Variants in SOX5 observed in about 807,000 individuals in gnomAD.
SOX5 encodes transcription factor SOX-5.
In SOX5, 9 loss-of-function variants were observed where a neutral mutation model predicts 92.0. The ratio of observed to expected loss-of-function variants is 0.10; its 90% CI spans 0.06 to 0.17. The LOEUF (loss-of-function observed/expected upper bound fraction) is 0.17. Ranked by LOEUF, SOX5 falls within the 10% of genes least tolerant of loss-of-function variation. SOX5 has a pLI of 1.00. For missense variants in SOX5, 642 were observed against 944.5 expected (o/e 0.68, Z 4.20); for synonymous variants, 344 against 336.3 (o/e 1.02, Z -0.25).
chr12:23,605,240 A>G (rs2075097402), intron 8 of SOX5, among the ~76,000 whole-genome samples: 4 of 152,124 alleles, frequency 2.6e-5, no homozygotes, highest in Admixed American at 2.6e-4. Flanking sequence ...ATAAGCAATA[A>G]AATTGTCCAA....
intron 4 of SOX5, among the ~76,000 whole-genome samples, chr12:24,034,930 T>C (rs1225055720): frequency 6.6e-6 from 1 of 152,084 alleles, no homozygotes; most frequent in Admixed American, 6.6e-5. Context: ...AGAGCTGTTT[T>C]AAGTTTCAAC....
chr12:24,562,571 G>C (rs1954479335), upstream of SOX5: 1 of 152,882 alleles, frequency 6.5e-6, no homozygotes. Context: ...TTGCTCTCAA[G>C]GACGAGGTGA....
At chr12:23,635,477 A>T (rs1330546247) in intron 8 of SOX5, among the ~76,000 whole-genome samples, 10 of 151,974 alleles carry the variant, frequency 6.6e-5, no homozygotes, top group Non-Finnish European at 2.9e-5. Flanking sequence ...ATGAGAACAC[A>T]TGGACACAGG....
upstream of SOX5, among the ~76,000 whole-genome samples, chr12:23,954,170 A>C (rs974786583): frequency 6.6e-6 from 1 of 152,018 alleles, no homozygotes; most frequent in African/African-American, 2.4e-5. Flanking sequence ...TAATACCTGA[A>C]ATAAAAATAT....
chr12:24,501,064 T>A (rs1187890429), intron 1 of SOX5, among the ~76,000 whole-genome samples: 1 of 152,178 alleles, frequency 6.6e-6, no homozygotes, highest in African/African-American at 2.4e-5. Flanking sequence ...ATGATCTGAT[T>A]GATAAAGTTT....
At chr12:23,669,889 C>G (rs2084469454) in intron 6 of SOX5, among the ~76,000 whole-genome samples, 1 of 152,004 alleles carries the variant, frequency 6.6e-6, no homozygotes, top group Non-Finnish European at 1.5e-5. Context: ...ATGGACACTC[C>G]AGTCCGAAGC....
chr12:24,205,421 A>C (rs1219669531), intron 4 of SOX5, among the ~76,000 whole-genome samples: 1 of 152,292 alleles, frequency 6.6e-6, no homozygotes, highest in South Asian at 2.1e-4. Flanking sequence ...AAACAATCAT[A>C]CAAGGCTCGT....
intron 1 of SOX5, among the ~76,000 whole-genome samples, chr12:24,475,433 A>T (rs545311371): frequency 6.6e-6 from 1 of 152,208 alleles, no homozygotes; most frequent in East Asian, 1.9e-4. Flanking sequence ...CAGTATCTTA[A>T]GCACATGCAC....
chr12:23,624,168 C>T (rs1304851704), intron 8 of SOX5, among the ~76,000 whole-genome samples: 1 of 152,012 alleles, frequency 6.6e-6, no homozygotes, highest in Non-Finnish European at 1.5e-5. Flanking sequence ...AGAATGCTGA[C>T]TACCAGAGAT....
chr12:23,861,126 AT>A (rs2136420612), intron 2 of SOX5, among the ~76,000 whole-genome samples: 1 of 152,208 alleles, frequency 6.6e-6, no homozygotes, highest in African/African-American at 2.4e-5. Flanking sequence ...AAAAGATATC[AT>A]TGTAAAACTA....
intron 9 of SOX5, among the ~76,000 whole-genome samples, chr12:23,603,428 AATAAATATATATATAAAAT>A (rs1158025776): frequency 1.0e-5 from 1 of 96,942 alleles, no homozygotes; most frequent in South Asian, 3.6e-4. Context: ...AATTCAGCAA[AATAAATATATATATAAAAT>A]ATATATATAT....
chr12:23,926,653 T>C (rs537888628), intron 1 of SOX5, among the ~76,000 whole-genome samples: 2 of 152,230 alleles, frequency 1.3e-5, no homozygotes, highest in Admixed American at 6.5e-5. Context: ...TTTCTTTGTT[T>C]TAAAGAACTG....
In SOX5 at chr12:24,556,890, CAAAT is replaced by C. The variant is rs34068247; in HGVS notation, c.-251+5435_-251+5438del. On this transcript the variant is annotated intron_variant, in intron 1 of 4. Coordinates refer to the SOX5 transcript ENST00000446891. ...GTGATACATTTTTTCTTTTTAGACT[CAAAT>C]AAGTTCAAAGTAAGTACAAAATGAA... 1.5e-4 allele frequency among the ~76,000 whole-genome samples: 23 copies of C among 152,188 alleles called. No homozygotes were observed. The South Asian group carries it at 4.2e-3, about 27-fold the overall frequency.
chr12:23,621,429 GTGGTTAAAA>G (rs1183775340), intron 8 of SOX5, among the ~76,000 whole-genome samples: 1 of 152,008 alleles, frequency 6.6e-6, no homozygotes, highest in African/African-American at 2.4e-5. Context: ...ACACTTAAAC[GTGGTTAAAA>G]TGTAAGTTTT....
chr12:23,914,564 A>T (rs1043872602), intron 1 of SOX5, among the ~76,000 whole-genome samples: 1 of 152,150 alleles, frequency 6.6e-6, no homozygotes. Context: ...AGGCACAGAC[A>T]TTTGAGTGAT....
At chr12:23,887,684 A>C (rs1595388058) in intron 2 of SOX5, among the ~76,000 whole-genome samples, 2 of 152,322 alleles carry the variant, frequency 1.3e-5, no homozygotes, top group Admixed American at 6.5e-5. Context: ...CAATATCTAA[A>C]GTAATTGTTT....
chr12:23,756,440 C>T (rs553698150), intron 3 of SOX5, among the ~76,000 whole-genome samples: 4 of 151,992 alleles, frequency 2.6e-5, no homozygotes, highest in Non-Finnish European at 4.4e-5. Flanking sequence ...TTTGTTTCTA[C>T]ATATAACATA....
At chr12:24,094,743 C>T (rs1945115936) in intron 4 of SOX5, among the ~76,000 whole-genome samples, 3 of 152,038 alleles carry the variant, frequency 2.0e-5, no homozygotes, top group East Asian at 1.9e-4. Flanking sequence ...CTTTCCCCAC[C>T]GGCTTTTAAT....
At chr12:23,820,738 C>G (rs985458129) in intron 3 of SOX5, among the ~76,000 whole-genome samples, 1 of 151,848 alleles carries the variant, frequency 6.6e-6, no homozygotes, top group Non-Finnish European at 1.5e-5. Flanking sequence ...TTTGTAGATG[C>G]GTGGTATTAT....
Sources: allele counts gnomAD v4.1 joint callset (sites outside exome capture counted in the v4.1 genomes callset), GRCh38; gene constraint gnomAD v4.1.1; transcripts MANE v1.5; gene names NCBI Gene and HGNC (gene_info 2026-07-23, HGNC 2026-07-21).